Variants in STXBP5L observed in about 807,000 individuals in gnomAD.
The protein encoded by STXBP5L is syntaxin binding protein 5L.
STXBP5L carries 65 observed loss-of-function variants against 144.5 expected under a neutral mutation model. The ratio of observed to expected loss-of-function variants is 0.45; its 90% CI spans 0.37 to 0.55. STXBP5L has a LOEUF of 0.55. STXBP5L is among the 20% of genes least tolerant of loss of function. The probability of loss-of-function intolerance (pLI) is 0.00; values close to 1 mark genes in which losing one functional copy is unlikely to be tolerated. For missense variants in STXBP5L, 1,298 were observed against 1,405.5 expected (o/e 0.92, Z 1.22); for synonymous variants, 505 against 469.6 (o/e 1.08, Z -0.97).
intron 14 of STXBP5L, among the ~76,000 whole-genome samples, chr3:121,245,100 A>G (rs760219736): frequency 1.3e-5 from 2 of 152,168 alleles, no homozygotes; most frequent in Non-Finnish European, 2.9e-5. Flanking sequence ...AACAATAACA[A>G]CATAAAAATT....
At chr3:121,033,932 A>T (rs550631042) in intron 3 of STXBP5L, among the ~76,000 whole-genome samples, 1 of 152,208 alleles carries the variant, frequency 6.6e-6, no homozygotes, top group East Asian at 1.9e-4. Flanking sequence ...TTTAACTCTT[A>T]TTAAAAATAG....
chr3:121,318,430 A>G, intron 19 of STXBP5L, 45 bp from the exon 20 acceptor site: 1 of 1,479,450 alleles, frequency 6.8e-7, no homozygotes, highest in Admixed American at 2.1e-5. Context: ...ATAACCTACA[A>G]AATGCTAGCA....
intron 3 of STXBP5L, among the ~76,000 whole-genome samples, chr3:121,026,540 C>T (rs993493970): frequency 6.6e-5 from 10 of 152,094 alleles, no homozygotes; most frequent in African/African-American, 2.4e-4. Flanking sequence ...CTCATATGTA[C>T]AACAGTGCTC....
intron 19 of STXBP5L, among the ~76,000 whole-genome samples, chr3:121,293,857 G>A (rs1298496191): frequency 6.6e-6 from 1 of 152,164 alleles, no homozygotes; most frequent in African/African-American, 2.4e-5. Context: ...GCAAAACTCT[G>A]CCTCAATAAG....
chr3:121,230,530 C>G (rs973312077), intron 11 of STXBP5L, among the ~76,000 whole-genome samples: 1 of 151,376 alleles, frequency 6.6e-6, no homozygotes, highest in Non-Finnish European at 1.5e-5. Flanking sequence ...AGGACACAGG[C>G]ATTCCCATCA....
At chr3:120,993,871 T>C (rs1235449732) in intron 3 of STXBP5L, among the ~76,000 whole-genome samples, 1 of 152,076 alleles carries the variant, frequency 6.6e-6, no homozygotes, top group South Asian at 2.1e-4. Flanking sequence ...GCATTGAATG[T>C]ACAGATGGCT....
intron 18 of STXBP5L, among the ~76,000 whole-genome samples, chr3:121,264,836 G>C (rs901174703): frequency 1.4e-5 from 2 of 147,422 alleles, no homozygotes; most frequent in African/African-American, 4.9e-5. Flanking sequence ...TGCAATCTTA[G>C]TCTCTGATAA....
intron 18 of STXBP5L, among the ~76,000 whole-genome samples, chr3:121,267,588 C>T (rs2050607659): frequency 6.6e-6 from 1 of 152,148 alleles, no homozygotes; most frequent in Admixed American, 6.5e-5. Context: ...AGAGCTTCTG[C>T]ACAGCAAAAG....
At chr3:120,933,187 A>C (rs138932294) in intron 2 of STXBP5L, among the ~76,000 whole-genome samples, 125 of 152,156 alleles carry the variant, frequency 8.2e-4, no homozygotes, top group African/African-American at 2.6e-3. Flanking sequence ...CCTAAAACTT[A>C]AAGTATAATA....
chr3:121,317,513 A>G (rs2043825265), intron 19 of STXBP5L, among the ~76,000 whole-genome samples: 1 of 152,190 alleles, frequency 6.6e-6, no homozygotes. Context: ...GAAGAGGGTG[A>G]TGGGAAAGAA....
chr3:121,318,706 CAAAT>C (rs1397570867), intron 20 of STXBP5L, among the ~76,000 whole-genome samples, 166 bp downstream of exon 20: 6 of 152,002 alleles, frequency 3.9e-5, no homozygotes, highest in South Asian at 2.1e-4. Flanking sequence ...CAAATACAAA[CAAAT>C]GTCTTTTAAA....
chr3:121,280,051 T>C (rs2108439939), intron 19 of STXBP5L, 95 bp downstream of exon 19: 2 of 1,363,694 alleles, frequency 1.5e-6, no homozygotes, highest in Non-Finnish European at 2.0e-6. Flanking sequence ...ACTATTCAAA[T>C]GCATGGCAAA....
chr3:121,404,795 C>G (rs1290116377), intron 22 of STXBP5L, among the ~76,000 whole-genome samples: 1 of 152,086 alleles, frequency 6.6e-6, no homozygotes, highest in African/African-American at 2.4e-5. Context: ...TTTCCTGAAC[C>G]CTAATTCCCA....
chr3:120,989,232 C>T (rs899885868), intron 3 of STXBP5L, among the ~76,000 whole-genome samples: 3 of 152,060 alleles, frequency 2.0e-5, no homozygotes, highest in Non-Finnish European at 4.4e-5. Flanking sequence ...AGAAGTTGTG[C>T]AAATTTACAT....
intron 16 of STXBP5L, among the ~76,000 whole-genome samples, chr3:121,256,445 GTATT>G (rs1032365422): frequency 6.6e-6 from 1 of 151,918 alleles, no homozygotes; most frequent in African/African-American, 2.4e-5. Context: ...CATTCATAAA[GTATT>G]TAGTTTTAAA....
rs113158315 is a variant in STXBP5L, at chr3:121,303,643, A to G, written c.2111-14832A>G. On this transcript the variant is annotated intron_variant, in intron 19 of 26. Transcript: ENST00000471454. Reference sequence around the variant, plus strand: ...GGAACCAACCCAAATGTCCATCAATAATAGACTGGATTAAGAAAATGTGGC... The same window carrying G: ...GGAACCAACCCAAATGTCCATCAATGATAGACTGGATTAAGAAAATGTGGC... 3.6e-3 allele frequency among the ~76,000 whole-genome samples: 547 copies of G among 152,206 alleles called. 3 individuals carry two copies. Among genetic ancestry groups the G allele is most frequent in the Middle Eastern group, 0.01 (3 of 294 alleles).
At chr3:120,971,747 T>G (rs1363704098) in intron 3 of STXBP5L, among the ~76,000 whole-genome samples, 2 of 148,672 alleles carry the variant, frequency 1.3e-5, no homozygotes. Context: ...TGTATATATA[T>G]ATCACATTTT....
At chr3:121,153,400 G>A (rs1028244687) in intron 8 of STXBP5L, among the ~76,000 whole-genome samples, 7 of 151,950 alleles carry the variant, frequency 4.6e-5, no homozygotes, top group African/African-American at 1.7e-4. Context: ...GGAAGAGATA[G>A]GAGGAAAATA....
intron 22 of STXBP5L, among the ~76,000 whole-genome samples, chr3:121,391,413 C>T (rs907815248): frequency 2.0e-5 from 3 of 152,142 alleles, no homozygotes; most frequent in Admixed American, 2.0e-4. Flanking sequence ...CATTCTCTGT[C>T]CAGCTTTGCT....
Sources: gnomAD v4.1 joint callset for allele counts (sites outside exome capture counted in the v4.1 genomes callset) on GRCh38, gnomAD v4.1.1 for gene constraint, MANE v1.5 for transcripts, NCBI Gene and HGNC (gene_info 2026-07-23, HGNC 2026-07-21) for gene names.